Variants in HIGD1B observed in about 807,000 individuals in gnomAD.
HIGD1B encodes the protein HIG1 domain family member 1B.
HIGD1B carries 9 observed loss-of-function variants against 8.8 expected under a neutral mutation model. The observed-to-expected ratio is 1.02, with a 90% CI of 0.62 to 1.78. The LOEUF is 1.78. HIGD1B is among the 40% of genes most tolerant of loss of function. HIGD1B has a pLI of 0.00. For synonymous variants in HIGD1B, 47 were observed against 38.8 expected, an observed-to-expected ratio of 1.21 and a Z score of -0.78; for missense variants, 126 against 111.8, an observed-to-expected ratio of 1.13 and a Z score of -0.57.
At chr17:44,844,936 A>AT (rs1031108817), upstream of HIGD1B, among the ~76,000 whole-genome samples, 1 of 152,182 alleles carries the variant, frequency 6.6e-6, no homozygotes, top group African/African-American at 2.4e-5. Flanking sequence ...GCTACTTACC[A>AT]TATAGAATAG....
At chr17:44,845,357 T>C (rs2050314427), upstream of HIGD1B, among the ~76,000 whole-genome samples, 2 of 151,494 alleles carry the variant, frequency 1.3e-5, no homozygotes, top group African/African-American at 4.9e-5. Flanking sequence ...ACCCCATAGG[T>C]AGTATAAAGA....
chr17:44,845,146 TAC>T (rs1421654670), upstream of HIGD1B, among the ~76,000 whole-genome samples: 1 of 151,158 alleles, frequency 6.6e-6, no homozygotes, highest in East Asian at 2.0e-4. Context: ...TAATCCCAGC[TAC>T]TCGGGAGGCT....
At chr17:44,847,136 C>T (rs766854859), upstream of HIGD1B, among the ~76,000 whole-genome samples, 1 of 146,536 alleles carries the variant, frequency 6.8e-6, no homozygotes, top group African/African-American at 2.5e-5. Context: ...AACTCCGTCT[C>T]AAAAAAACAA....
At chr17:44,846,783 T>TAA (rs760853788), upstream of HIGD1B, among the ~76,000 whole-genome samples, 7 of 121,396 alleles carry the variant, frequency 5.8e-5, no homozygotes, top group South Asian at 5.3e-4. Flanking sequence ...AGACCCTGCC[T>TAA]AAAAAAAAAA....
chr17:44,848,466 T>C (rs1425603983), intron 1 of HIGD1B, among the ~76,000 whole-genome samples: 1 of 152,142 alleles, frequency 6.6e-6, no homozygotes, highest in Middle Eastern at 3.2e-3. Context: ...GTACATGGGA[T>C]ATGAGGAACC....
upstream of HIGD1B, among the ~76,000 whole-genome samples, chr17:44,847,577 C>T (rs114502733): frequency 0.012 from 1,865 of 152,340 alleles, 39 homozygotes; most frequent in African/African-American, 0.042. Context: ...GAATGTGTTC[C>T]TTAGTACTCA....
upstream of HIGD1B, among the ~76,000 whole-genome samples, chr17:44,845,716 A>G (rs1363663742): frequency 6.6e-6 from 1 of 151,906 alleles, no homozygotes; most frequent in Non-Finnish European, 1.5e-5. Flanking sequence ...GGTGGATCAC[A>G]AGGTCAGGAT....
chr17:44,845,605 G>C (rs939345508), upstream of HIGD1B, among the ~76,000 whole-genome samples: 1 of 151,944 alleles, frequency 6.6e-6, no homozygotes, highest in African/African-American at 2.4e-5. Context: ...GGTGACAGAG[G>C]GAGACCCCAT....
At chr17:44,846,434 C>T (rs1366012141), upstream of HIGD1B, 1 of 152,388 alleles carries the variant, frequency 6.6e-6, no homozygotes, top group African/African-American at 2.4e-5. Context: ...AGGGTAAGCA[C>T]CAGCATGCCA....
upstream of HIGD1B, among the ~76,000 whole-genome samples, chr17:44,847,419 G>C (rs1052592082): frequency 6.6e-6 from 1 of 152,124 alleles, no homozygotes; most frequent in Middle Eastern, 3.2e-3. Flanking sequence ...CGGCCTGGGC[G>C]ACAGAGCGAG....
At chr17:44,850,150 G>A (rs1271285599) in intron 2 of HIGD1B, 182 bp from the exon 3 acceptor site, 2 of 560,848 alleles carry the variant, frequency 3.6e-6, no homozygotes, top group Admixed American at 3.0e-5. Flanking sequence ...TGTCAGATAA[G>A]TGGTTTCCCC....
chr17:44,845,719 G>A (rs1466571643), upstream of HIGD1B, among the ~76,000 whole-genome samples: 1 of 151,958 alleles, frequency 6.6e-6, no homozygotes, highest in Non-Finnish European at 1.5e-5. Flanking sequence ...GGATCACAAG[G>A]TCAGGATTTC....
At chr17:44,848,726 C>CGG (rs1477756207) in intron 1 of HIGD1B, among the ~76,000 whole-genome samples, 1 of 149,788 alleles carries the variant, frequency 6.7e-6, no homozygotes, top group African/African-American at 2.5e-5. Context: ...AGGGGTGTCA[C>CGG]GGGAGGGAGG....
At chr17:44,849,203 G>C (rs1455536760) in intron 1 of HIGD1B, 51 bp from the exon 2 acceptor site, 2 of 1,605,740 alleles carry the variant, frequency 1.2e-6, no homozygotes, top group Non-Finnish European at 1.7e-6. Context: ...CTCATCAGGG[G>C]AGTGCTGTGC....
Position 44,849,374 on chromosome 17 carries a change from G to GT in HIGD1B, c.222dup (p.Ala75CysfsTer30). The GT allele has an allele frequency of 1.9e-6, 3 of 1,614,140 alleles. No homozygotes were observed. The highest frequency in any genetic ancestry group is 2.5e-6 in the Non-Finnish European group (3 of 1,180,012). ...GTGGCAGCGCAGGCCTGTGCAGTGG[G>GT]TGCAATCATGCTAGGTGAGTAGCTT... On this transcript the variant is annotated frameshift_variant, in exon 2 of 3. Transcript: ENST00000253410. LOFTEE classifies it high-confidence loss of function.
intron 2 of HIGD1B, 77 bp downstream of exon 2, chr17:44,849,465 A>C (rs749063310): frequency 9.9e-5 from 154 of 1,563,220 alleles, no homozygotes; most frequent in Non-Finnish European, 1.3e-4. Context: ...CCCAACAATT[A>C]AAAGGACTGT....
upstream of HIGD1B, among the ~76,000 whole-genome samples, chr17:44,847,381 C>T (rs1270006961): frequency 3.9e-5 from 6 of 152,086 alleles, no homozygotes; most frequent in Admixed American, 2.6e-4. Context: ...TGCAGTGAGC[C>T]GAGATTGCGC....
chr17:44,845,732 G>T (rs781453885), upstream of HIGD1B, among the ~76,000 whole-genome samples: 1 of 151,932 alleles, frequency 6.6e-6, no homozygotes, highest in South Asian at 2.1e-4. Context: ...AGGATTTCGA[G>T]ACCAGCCCGG....
At chr17:44,850,176 A>G (rs1223542013) in intron 2 of HIGD1B, 156 bp from the exon 3 acceptor site, 1 of 591,732 alleles carries the variant, frequency 1.7e-6, no homozygotes, top group East Asian at 2.8e-5. Context: ...GTGTGGTCAG[A>G]TGCTTGAAGC....
Sources: allele counts gnomAD v4.1 joint callset (sites outside exome capture counted in the v4.1 genomes callset), GRCh38; gene constraint gnomAD v4.1.1; transcripts MANE v1.5; gene names NCBI Gene and HGNC (gene_info 2026-07-23, HGNC 2026-07-21).